FAAH2: variants seen among roughly 807,000 people sequenced by gnomAD.
FAAH2 encodes the protein fatty acid amide hydrolase 2.
In FAAH2, 60 loss-of-function variants were observed where a neutral mutation model predicts 36.9. The observed-to-expected ratio is 1.63, with a 90% confidence interval of 1.32 to 2.02. The LOEUF (loss-of-function observed/expected upper bound fraction) is 2.02, where lower values mean the gene tolerates loss of function less well. FAAH2 is among the 30% of genes most tolerant of loss of function. The pLI is 0.00. For missense variants in FAAH2, 689 were observed against 397.5 expected (o/e 1.73, Z -6.23); for synonymous variants, 214 against 143.8 (o/e 1.49, Z -3.49).
intron 3 of FAAH2, among the ~76,000 whole-genome samples, chrX:57,329,224 G>T (rs1392589938): frequency 8.9e-6 from 1 of 112,028 alleles, no homozygotes; most frequent in East Asian, 2.8e-4. Context: ...CATCATGCAG[G>T]TGTTTGCAGT....
upstream of FAAH2, among the ~76,000 whole-genome samples, chrX:57,286,505 G>A (rs1184629229): frequency 9.0e-6 from 1 of 111,194 alleles, no homozygotes; most frequent in Non-Finnish European, 1.9e-5. Context: ...ATATAGTGTA[G>A]GTTGGCCAGG....
the FAAH2 span, among the ~76,000 whole-genome samples, chrX:57,163,797 T>A: frequency 4.1e-3 from 463 of 112,133 alleles, 2 homozygotes; most frequent in African/African-American, 0.014. Flanking sequence ...GTACCTCAGA[T>A]GGAAATGCAG....
chrX:57,183,115 G>C, the FAAH2 span, among the ~76,000 whole-genome samples: 6 of 110,855 alleles, frequency 5.4e-5, no homozygotes, highest in African/African-American at 1.6e-4. Context: ...TGAGTTACAA[G>C]GCTTCGTACC....
the FAAH2 span, among the ~76,000 whole-genome samples, chrX:57,225,404 C>G: frequency 8.9e-6 from 1 of 111,848 alleles, no homozygotes; most frequent in East Asian, 2.8e-4. Flanking sequence ...TGGCCCAATG[C>G]TCATTCAGGA....
chrX:57,245,870 T>A, the FAAH2 span, among the ~76,000 whole-genome samples: 3 of 111,030 alleles, frequency 2.7e-5, no homozygotes, highest in African/African-American at 9.8e-5. Context: ...AAGAAATAAC[T>A]AAGATCAGAG....
chrX:57,155,960 G>T, the FAAH2 span, among the ~76,000 whole-genome samples: 2 of 111,912 alleles, frequency 1.8e-5, no homozygotes, highest in Non-Finnish European at 3.8e-5. Flanking sequence ...ACTCTGTAAG[G>T]GTATGTGTTC....
the FAAH2 span, among the ~76,000 whole-genome samples, chrX:57,140,240 T>C: frequency 1.8e-5 from 2 of 110,067 alleles, no homozygotes; most frequent in Non-Finnish European, 3.8e-5. Context: ...TGGTGGGATC[T>C]TTAGATTTTT....
intron 7 of FAAH2, among the ~76,000 whole-genome samples, chrX:57,421,113 G>A (rs1461013005): frequency 3.6e-5 from 4 of 111,834 alleles, no homozygotes; most frequent in Admixed American, 1.9e-4. Flanking sequence ...TAACATTTTA[G>A]CTCCAACACA....
the FAAH2 span, among the ~76,000 whole-genome samples, chrX:57,255,374 GA>G: frequency 4.5e-5 from 5 of 112,015 alleles, no homozygotes; most frequent in East Asian, 1.4e-3. Flanking sequence ...ACATTCTTCT[GA>G]AACTCTTCTG....
the FAAH2 span, among the ~76,000 whole-genome samples, chrX:57,267,897 G>C: frequency 2.7e-5 from 3 of 112,355 alleles, no homozygotes; most frequent in Non-Finnish European, 5.6e-5. Flanking sequence ...ACAAAAATGA[G>C]ATTCAGTGCA....
At chrX:57,270,933 C>CT in the FAAH2 span, among the ~76,000 whole-genome samples, 3 of 111,946 alleles carry the variant, frequency 2.7e-5, no homozygotes, top group Admixed American at 9.4e-5. Flanking sequence ...TGCAGGAGCT[C>CT]TTTTTTTCCC....
intron 8 of FAAH2, among the ~76,000 whole-genome samples, chrX:57,437,978 CACATATGT>C (rs1173889208): frequency 9.8e-6 from 1 of 102,126 alleles, no homozygotes; most frequent in Non-Finnish European, 2.0e-5. Context: ...TATATGTATA[CACATATGT>C]ACATATATAC....
chrX:57,323,405 C>T (rs2053095643), intron 3 of FAAH2, among the ~76,000 whole-genome samples: 1 of 111,724 alleles, frequency 9.0e-6, no homozygotes, highest in African/African-American at 3.3e-5. Context: ...TGAGGAATCA[C>T]CACACGGACT....
At chrX:57,148,388 C>T in the FAAH2 span, among the ~76,000 whole-genome samples, 1 of 111,621 alleles carries the variant, frequency 9.0e-6, no homozygotes, top group African/African-American at 3.3e-5. Flanking sequence ...TTCTTCCTAC[C>T]CATGAGCATG....
At chrX:57,340,981 C>T (rs768119439) in intron 4 of FAAH2, among the ~76,000 whole-genome samples, 1 of 111,462 alleles carries the variant, frequency 9.0e-6, no homozygotes, top group Non-Finnish European at 1.9e-5. Context: ...AATAAGAACT[C>T]TTTTCTATAT....
intron 3 of FAAH2, among the ~76,000 whole-genome samples, chrX:57,323,682 GTTTTTTT>G (rs141756561): frequency 1.6e-5 from 1 of 63,501 alleles, no homozygotes; most frequent in Non-Finnish European, 3.1e-5. Context: ...TGATGGGGTT[GTTTTTTT>G]TTTTTTTTTT....
chrX:57,302,661 A>G lies in FAAH2; in HGVS notation c.276-7932A>G, dbSNP rs756982523. ...CACCAAAAAGCTATCCAAGGGGTAGAATCCTCCTTGGATTTCGCTCCCCTA... is the reference window on the plus strand; with the variant it reads ...CACCAAAAAGCTATCCAAGGGGTAGGATCCTCCTTGGATTTCGCTCCCCTA... On this transcript the variant is annotated intron_variant, in intron 2 of 10. Coordinates refer to ENST00000374900, the MANE Select transcript of FAAH2 (RefSeq NM_174912.4). 5.4e-5 allele frequency among the ~76,000 whole-genome samples: 6 copies of G among 111,328 alleles called. No homozygotes were observed. In the South Asian group the frequency reaches 1.9e-3, roughly 36 times the overall value.
intron 10 of FAAH2, among the ~76,000 whole-genome samples, chrX:57,476,576 A>T (rs1462272583): frequency 9.0e-6 from 1 of 110,954 alleles, no homozygotes; most frequent in Non-Finnish European, 1.9e-5. Flanking sequence ...TGTGCTGCTG[A>T]GTCCGTTTTG....
At chrX:57,294,039 C>T (rs1261190679) in intron 2 of FAAH2, among the ~76,000 whole-genome samples, 2 of 112,214 alleles carry the variant, frequency 1.8e-5, no homozygotes, top group East Asian at 5.6e-4. Flanking sequence ...CCCAAATGGG[C>T]TTACTGTCCT....
Sources: gnomAD v4.1 joint callset for allele counts (sites outside exome capture counted in the v4.1 genomes callset) on GRCh38, gnomAD v4.1.1 for gene constraint, MANE v1.5 for transcripts, NCBI Gene and HGNC (gene_info 2026-07-23, HGNC 2026-07-21) for gene names.